TTLL4: variants seen among roughly 807,000 people sequenced by gnomAD.
The protein encoded by TTLL4 is tubulin monoglutamylase TTLL4.
TTLL4 carries 85 observed loss-of-function variants against 122.7 expected under a neutral mutation model. The observed-to-expected ratio is 0.69, with a 90% CI of 0.58 to 0.83. TTLL4 has a LOEUF of 0.83. TTLL4 is among the 40% of genes least tolerant of loss of function. The pLI is 0.00. For synonymous variants in TTLL4, 553 were observed against 563.0 expected, an observed-to-expected ratio of 0.98 and a Z score of 0.25; for missense variants, 1,363 against 1,488.6, an observed-to-expected ratio of 0.92 and a Z score of 1.39.
rs1559361797 is a variant in TTLL4, at chr2:218,729,747, T to TAA, written c.-99+2400_-99+2401insAA. Among the ~76,000 whole-genome samples, 464 of 93,516 alleles carry TAA rather than the reference T, an allele frequency of 5.0e-3. 7 individuals carry two copies. Among genetic ancestry groups the TAA allele is most frequent in the African/African-American group, 0.027 (431 of 16,262 alleles). The allele number at this position is 93,516 out of a possible 152,430, so 61.4% of individuals were successfully genotyped here. On this transcript the variant is annotated intron_variant, in intron 2 of 19. Transcript: ENST00000392102. ...TTAGGATTTTCTTTTCTCTCTCTTT[T>TAA]TAAAAAAAAAAAAAACAAAAAAAAA... is the stretch of plus-strand genomic sequence containing the variant.
intron 5 of TTLL4, among the ~76,000 whole-genome samples, chr2:218,744,498 C>T (rs1174607339): frequency 6.6e-6 from 1 of 152,136 alleles, no homozygotes; most frequent in Non-Finnish European, 1.5e-5. Context: ...TTCATCACAT[C>T]CATATCTGTG....
intron 1 of TTLL4, among the ~76,000 whole-genome samples, chr2:218,726,555 TC>T (rs772485432): frequency 2.9e-4 from 44 of 152,084 alleles, no homozygotes; most frequent in Middle Eastern, 3.4e-3. Context: ...AACCTCTGCC[TC>T]CCGGGTTCAA....
At chr2:218,729,550 T>G (rs916708745) in intron 2 of TTLL4, among the ~76,000 whole-genome samples, 4 of 152,082 alleles carry the variant, frequency 2.6e-5, no homozygotes, top group Non-Finnish European at 4.4e-5. Context: ...TCTTAGATAC[T>G]TTATTCTTTT....
chr2:218,722,591 G>T (rs1255310312), intron 1 of TTLL4, among the ~76,000 whole-genome samples: 1 of 152,172 alleles, frequency 6.6e-6, no homozygotes, highest in Non-Finnish European at 1.5e-5. Context: ...CCAGAGGTGG[G>T]AACGTTCCTC....
chr2:218,747,335 A>G lies in TTLL4; in HGVS notation c.2212A>G (p.Ser738Gly), dbSNP rs201962663. Reference sequence around the variant, plus strand: ...TGGCATCCAGGTTATTCACAAGTGGAGTCAGCTCCCCAAGCGAAGGCCCCT... The same window carrying G: ...TGGCATCCAGGTTATTCACAAGTGGGGTCAGCTCCCCAAGCGAAGGCCCCT... ...GIGIQVIHKW[S>G]QLPKRRPLLV... is the part of the protein sequence containing the mutation. Residue 738 changes from serine (S) to glycine (G), a missense_variant, in exon 10 of 20, where the codon AGT becomes GGT. By Grantham distance (56) the Ser-to-Gly change is moderately conservative. Around this residue, in one of 3 missense-constraint regions of TTLL4, gnomAD observed 596 missense variants for 655.8 expected, o/e 0.91. Transcript: ENST00000392102. The surrounding 1 kb of genome is among the most constrained non-coding windows in gnomAD (Gnocchi z 4.7). 2 of 1,614,194 alleles carry G rather than the reference A, an allele frequency of 1.2e-6. No individual in the cohort carries two copies. The highest frequency in any genetic ancestry group is 1.7e-6 in the Non-Finnish European group (2 of 1,180,046).
At chr2:218,751,907 T>TC (rs1943029260) in intron 16 of TTLL4, 101 bp downstream of exon 16, 6 of 684,666 alleles carry the variant, frequency 8.8e-6, no homozygotes, top group South Asian at 2.3e-5. Flanking sequence ...TTCTTTTCTT[T>TC]TTCTTTTTTT....
In TTLL4 at chr2:218,733,962, A is replaced by G. The variant is rs145812302; in HGVS notation, c.-98-3617A>G. 3.5e-4 allele frequency among the ~76,000 whole-genome samples: 53 copies of G among 152,324 alleles called. No homozygotes were observed. In the East Asian group the frequency reaches 9.2e-3, roughly 27 times the overall value. ...GATGAGAAGTCAGTGATGTGCTTTT[A>G]GGGACTTTCCACAAAGGGCCTTGGT... is the stretch of plus-strand genomic sequence containing the variant. On this transcript the variant is annotated intron_variant, in intron 2 of 19. Coordinates refer to ENST00000392102, the MANE Select transcript of TTLL4 (RefSeq NM_014640.5).
chr2:218,730,680 C>G (rs969363719), intron 2 of TTLL4, among the ~76,000 whole-genome samples: 3 of 152,172 alleles, frequency 2.0e-5, no homozygotes, highest in Admixed American at 6.5e-5. Flanking sequence ...CACTTCCTTA[C>G]TTTTTGGCAG....
chr2:218,728,287 G>T (rs1942253833), intron 2 of TTLL4, among the ~76,000 whole-genome samples: 1 of 152,208 alleles, frequency 6.6e-6, no homozygotes, highest in African/African-American at 2.4e-5. Context: ...GAATCAGTGG[G>T]AGCCCTGGGC....
At chr2:218,731,078 C>T (rs1575167240) in intron 2 of TTLL4, among the ~76,000 whole-genome samples, 1 of 151,470 alleles carries the variant, frequency 6.6e-6, no homozygotes, top group East Asian at 1.9e-4. Flanking sequence ...CACCGCTGCA[C>T]TCCAGCCTTG....
In TTLL4 at chr2:218,747,233, A is replaced by C. The variant is rs746842539; in HGVS notation, c.2166+39A>C. On this transcript the variant is annotated intron_variant, in intron 9 of 19. Transcript: ENST00000392102. The surrounding 1 kb of genome is among the most constrained non-coding windows in gnomAD (Gnocchi z 4.7). ...AGTGGGCAGGAGACTATGGTCTGTG[A>C]GTGGGAACAACAGAGTATTGGACCT... 24 of 1,614,012 alleles carry C rather than the reference A, an allele frequency of 1.5e-5. No individual in the cohort carries two copies. In the Admixed American group the frequency reaches 2.7e-4, roughly 18 times the overall value.
rs1246436093 is a variant in TTLL4, at chr2:218,755,228, A to G, written c.*839A>G. 4 of 152,142 alleles carry G rather than the reference A, an allele frequency of 2.6e-5. No homozygotes were observed. Among genetic ancestry groups the G allele is most frequent in the African/African-American group, 4.8e-5 (2 of 41,390 alleles). 9.4% of individuals were successfully genotyped at this position (152,142 alleles called of 1,614,324 possible). On this transcript the variant is annotated 3_prime_UTR_variant, in exon 20 of 20. Coordinates refer to ENST00000392102, the MANE Select transcript of TTLL4 (RefSeq NM_014640.5). ...GGGTGGAAGGAGATGTGGTTTCTCT[A>G]TAGTGCAACAAACATGGTTTCTCAA...
chr2:218,711,302 C>G (rs1342116092), intron 1 of TTLL4, among the ~76,000 whole-genome samples: 1 of 152,252 alleles, frequency 6.6e-6, no homozygotes, highest in Non-Finnish European at 1.5e-5. Flanking sequence ...CTCCGGGTGC[C>G]CGAACACTGC....
intron 12 of TTLL4, 90 bp from the exon 13 acceptor site, chr2:218,748,746 A>G (rs1942930679): frequency 8.9e-7 from 1 of 1,122,478 alleles, no homozygotes; most frequent in African/African-American, 1.6e-5. Flanking sequence ...ATATGAAGAA[A>G]ATACCATTAG....
intron 1 of TTLL4, among the ~76,000 whole-genome samples, chr2:218,725,597 C>T (rs925238304): frequency 1.3e-5 from 2 of 151,878 alleles, no homozygotes; most frequent in Non-Finnish European, 2.9e-5. Context: ...ACGCTGTCGT[C>T]CATGCTGGGG....
chr2:218,751,108 T>C (rs530558849), intron 15 of TTLL4, among the ~76,000 whole-genome samples: 4 of 152,374 alleles, frequency 2.6e-5, no homozygotes, highest in Admixed American at 2.6e-4. Flanking sequence ...ATTCAAATCC[T>C]GATTTGCCTG....
At chr2:218,745,054 C>A (rs1942802724) in intron 5 of TTLL4, 55 bp from the exon 6 acceptor site, 2 of 1,607,092 alleles carry the variant, frequency 1.2e-6, no homozygotes, top group African/African-American at 2.7e-5. Context: ...AGTAACGACG[C>A]TTCAGGGCTG....
intron 16 of TTLL4, 36 bp from the exon 17 acceptor site, chr2:218,752,727 C>A (rs781451790): frequency 1.2e-6 from 2 of 1,611,850 alleles, no homozygotes; most frequent in East Asian, 2.2e-5. Flanking sequence ...CTTACACTCT[C>A]TCACACCCTT....
rs1248324249 is a variant in TTLL4 at position 218,745,571 on chromosome 2, ATAGT to A, written c.1787-115_1787-112del. The A allele has an allele frequency of 4.7e-5, 34 of 716,484 alleles. No homozygotes were observed. The South Asian group carries it at 5.2e-4, about 11-fold the overall frequency. The allele number at this position is 716,484 out of a possible 1,614,324, so 44.4% of individuals were successfully genotyped here. The stretch of plus-strand genomic sequence containing the variant: ...TCCTCTGAAACCCTGATCTGGAGCA[ATAGT>A]TAGTGACTTGCCTGCCCAGGGAAGA... On this transcript the variant is annotated intron_variant, in intron 6 of 19. Coordinates refer to ENST00000392102, the MANE Select transcript of TTLL4 (RefSeq NM_014640.5).
Sources: gnomAD v4.1 joint callset for allele counts (sites outside exome capture counted in the v4.1 genomes callset) on GRCh38, gnomAD v4.1.1 for gene constraint, gnomAD v4.1.1 regional missense constraint, Gnocchi (gnomAD v3.1) non-coding constraint, MANE v1.5 for transcripts, NCBI Gene and HGNC (gene_info 2026-07-23, HGNC 2026-07-21) for gene names.